Variants in AGMO observed in about 807,000 individuals in gnomAD.
AGMO encodes alkylglycerol monooxygenase, also known as glyceryl-ether monooxygenase.
AGMO carries 75 observed loss-of-function variants against 60.2 expected under a neutral mutation model. The ratio of observed to expected loss-of-function variants is 1.25; its 90% CI spans 1.03 to 1.51. The LOEUF (loss-of-function observed/expected upper bound fraction) is 1.51, where lower values mean the gene tolerates loss of function less well. AGMO is among the 40% of genes most tolerant of loss of function. The pLI, the probability that AGMO is intolerant of heterozygous loss-of-function variation, is 0.00. For synonymous variants in AGMO, 261 were observed against 177.1 expected, an observed-to-expected ratio of 1.47 and a Z score of -3.76; for missense variants, 763 against 525.5, an observed-to-expected ratio of 1.45 and a Z score of -4.42.
At chr7:15,229,273 G>A (rs1346338772) in intron 12 of AGMO, among the ~76,000 whole-genome samples, 1 of 152,022 alleles carries the variant, frequency 6.6e-6, no homozygotes, top group Admixed American at 6.6e-5. Flanking sequence ...ACCAGAGGGA[G>A]TATATACGAA....
intron 3 of AGMO, among the ~76,000 whole-genome samples, chr7:15,446,534 A>G (rs1781703085): frequency 6.6e-6 from 1 of 152,234 alleles, no homozygotes; most frequent in African/African-American, 2.4e-5. Context: ...GCCAGCTGAT[A>G]TGCACATGTA....
chr7:15,336,572 T>C (rs944849847), intron 12 of AGMO, among the ~76,000 whole-genome samples: 2 of 152,186 alleles, frequency 1.3e-5, no homozygotes, highest in African/African-American at 4.8e-5. Flanking sequence ...GCAAATGATT[T>C]TGGGAAATTT....
rs80226639 is a variant in AGMO at position 15,281,321 on chromosome 7, C to T, written c.1264-79962G>A. The stretch of plus-strand genomic sequence containing the variant: ...ACCACTGCAGATACAGCTGGGGCTT[C>T]CACCATGGGAGCTTGGCATGGGTTT... On this transcript the variant is annotated intron_variant, in intron 12 of 12. Transcript: ENST00000342526. Among the ~76,000 whole-genome samples, 459 of 152,254 alleles carry T rather than the reference C, an allele frequency of 3.0e-3. 2 individuals carry two copies. Among genetic ancestry groups the T allele is most frequent in the African/African-American group, 0.01 (431 of 41,536 alleles).
chr7:15,199,192 GTGTCTGGAACATTACC>G (rs1282624223), downstream of AGMO, among the ~76,000 whole-genome samples: 2 of 152,118 alleles, frequency 1.3e-5, no homozygotes, highest in Non-Finnish European at 2.9e-5. Context: ...TGTATAGGAG[GTGTCTGGAACATTACC>G]TGTCTGGTAA....
At chr7:15,268,274 TAA>T (rs1416788116) in intron 12 of AGMO, among the ~76,000 whole-genome samples, 1 of 152,038 alleles carries the variant, frequency 6.6e-6, no homozygotes, top group Non-Finnish European at 1.5e-5. Flanking sequence ...AGGAATACTC[TAA>T]GTTTTAAAAG....
the AGMO span, among the ~76,000 whole-genome samples, chr7:15,151,434 T>G: frequency 6.6e-6 from 1 of 152,120 alleles, no homozygotes; most frequent in African/African-American, 2.4e-5. Flanking sequence ...TCTTTCTAAC[T>G]TCTTTCTGTA....
chr7:15,186,032 C>A, the AGMO span, among the ~76,000 whole-genome samples: 2 of 152,112 alleles, frequency 1.3e-5, no homozygotes, highest in East Asian at 3.9e-4. Context: ...ACAAATCGAC[C>A]CACAAAGCTC....
intron 3 of AGMO, among the ~76,000 whole-genome samples, chr7:15,530,331 CATATATATTCTATATACGTATTTCTAT>C (rs1583652412): frequency 1.5e-5 from 1 of 65,780 alleles, no homozygotes; most frequent in Non-Finnish European, 2.8e-5. Flanking sequence ...TACGTATTTC[CATATATATTCTATATACGTATTTCTAT>C]ATATATATTC....
At chr7:15,207,144 A>G (rs1781460689) in intron 12 of AGMO, among the ~76,000 whole-genome samples, 1 of 152,218 alleles carries the variant, frequency 6.6e-6, no homozygotes, top group Non-Finnish European at 1.5e-5. Flanking sequence ...TATTAGCCAC[A>G]AGATTAGAGA....
intron 5 of AGMO, among the ~76,000 whole-genome samples, chr7:15,394,636 C>T (rs541651488): frequency 6.6e-6 from 1 of 152,234 alleles, no homozygotes; most frequent in Non-Finnish European, 1.5e-5. Flanking sequence ...TTTTGCCTTC[C>T]AACTATAGCT....
chr7:15,320,893 A>C (rs1781088650), intron 12 of AGMO, among the ~76,000 whole-genome samples: 1 of 152,166 alleles, frequency 6.6e-6, no homozygotes, highest in African/African-American at 2.4e-5. Context: ...AGTTTTTTAA[A>C]ACAATAAAGT....
chr7:15,328,527 A>C (rs1374479188), intron 12 of AGMO, among the ~76,000 whole-genome samples: 2 of 152,210 alleles, frequency 1.3e-5, no homozygotes, highest in East Asian at 3.9e-4. Flanking sequence ...AGAGGGAAGT[A>C]CAGGAATAAT....
rs940566781 is a variant in AGMO, at chr7:15,515,032, C to A, written c.409+29740G>T. On this transcript the variant is annotated intron_variant, in intron 3 of 12. Coordinates refer to ENST00000342526, the MANE Select transcript of AGMO (RefSeq NM_001004320.2). The stretch of plus-strand genomic sequence containing the variant: ...CTCTTTCTGCATTTTCTCTACTCAC[C>A]TTTTTCTCTCACCAATTGTCTGTTT... 3.3e-5 allele frequency among the ~76,000 whole-genome samples: 5 copies of A among 152,178 alleles called. No individual in the cohort carries two copies. The East Asian group carries it at 9.6e-4, about 29-fold the overall frequency.
Position 15,320,176 on chromosome 7 carries a change from G to A in AGMO, c.1263+45338C>T, listed in dbSNP as rs1028413681. 3.5e-4 allele frequency among the ~76,000 whole-genome samples: 53 copies of A among 151,944 alleles called. 1 individual carries two copies. Among genetic ancestry groups the A allele is most frequent in the African/African-American group, 1.2e-3 (48 of 41,442 alleles). On this transcript the variant is annotated intron_variant, in intron 12 of 12. Coordinates refer to ENST00000342526, the MANE Select transcript of AGMO (RefSeq NM_001004320.2). ...TACCTAATGTAAATGACGAGTTAAT[G>A]GGTGCAGCACACCACCACGGCACAC...
At chr7:15,214,242 A>G (rs1198954842) in intron 12 of AGMO, among the ~76,000 whole-genome samples, 1 of 152,010 alleles carries the variant, frequency 6.6e-6, no homozygotes, top group African/African-American at 2.4e-5. Flanking sequence ...TTGGGACACT[A>G]CGAATTTTCA....
intron 12 of AGMO, among the ~76,000 whole-genome samples, chr7:15,363,118 G>C (rs1294975078): frequency 6.6e-6 from 1 of 152,150 alleles, no homozygotes; most frequent in South Asian, 2.1e-4. Context: ...ATGCATGTTA[G>C]CTCTTATAAA....
chr7:15,354,807 A>AT (rs753190306), intron 12 of AGMO, among the ~76,000 whole-genome samples: 2 of 151,264 alleles, frequency 1.3e-5, no homozygotes, highest in East Asian at 2.0e-4. Flanking sequence ...TATTCCCTGA[A>AT]TTTTTTCTCG....
At position 15,322,599 on chromosome 7, in the gene AGMO, T is replaced by C. The variant is rs1563086493; in HGVS notation, c.1263+42915A>G. 3.1e-4 allele frequency among the ~76,000 whole-genome samples: 19 copies of C among 60,404 alleles called. 1 individual carries two copies. The highest frequency in any genetic ancestry group is 0.017 in the Middle Eastern group (1 of 58). 39.6% of individuals were successfully genotyped at this position (60,404 alleles called of 152,430 possible). ...AAATATATATAAATATATAAATATA[T>C]ATAAATATATATAAATATATAAATA... On this transcript the variant is annotated intron_variant, in intron 12 of 12. Coordinates refer to ENST00000342526, the MANE Select transcript of AGMO (RefSeq NM_001004320.2).
At chr7:15,352,354 C>T (rs565153401) in intron 12 of AGMO, among the ~76,000 whole-genome samples, 29 of 152,232 alleles carry the variant, frequency 1.9e-4, no homozygotes, top group Admixed American at 1.9e-3. Flanking sequence ...CCTGAAACTG[C>T]AGCTGTTGGC....
Sources: allele counts gnomAD v4.1 joint callset (sites outside exome capture counted in the v4.1 genomes callset), GRCh38; gene constraint gnomAD v4.1.1; transcripts MANE v1.5; gene names NCBI Gene and HGNC (gene_info 2026-07-23, HGNC 2026-07-21).